The following LRAT variants were observed in gnomAD, a reference collection of about 807,000 sequenced individuals.
The protein encoded by LRAT is lecithin retinol acyltransferase (phosphatidylcholine--retinol O-acyltransferase).
In LRAT, 11 loss-of-function variants were observed where a neutral mutation model predicts 14.2. That is an observed-to-expected ratio of 0.78 (90% CI 0.49 to 1.29). The LOEUF is 1.29. Ranked by LOEUF, LRAT falls within the 50% of genes most tolerant of loss-of-function variation. The probability of loss-of-function intolerance (pLI) is 0.00; values close to 1 mark genes in which losing one functional copy is unlikely to be tolerated. For missense variants in LRAT, 274 were observed against 292.4 expected, an observed-to-expected ratio of 0.94 and a Z score of 0.46; for synonymous variants, 144 against 124.8, an observed-to-expected ratio of 1.15 and a Z score of -1.03.
Position 154,744,187 on chromosome 4 carries a change from GGCCGTACTTTGC to G in LRAT, c.-29_-18del. ...TCCTTTGCCTTCCTCTCTCCTCAGC[GGCCGTACTTTGC>G]GCCGTACCTCACCTGGCCTGCAGGT... On this transcript the variant is annotated 5_prime_UTR_variant, in exon 1 of 3. Transcript: ENST00000336356. 1.2e-6 allele frequency: 1 copy of G among 852,202 alleles called. No homozygotes were observed. Among genetic ancestry groups the G allele is most frequent in the Non-Finnish European group, 1.9e-6 (1 of 523,714 alleles). 52.8% of individuals were successfully genotyped at this position (852,202 alleles called of 1,614,324 possible). A position where few individuals can be genotyped will look rare whatever the true frequency, so the allele number is the denominator to read the frequency against.
At position 154,744,556 on chromosome 4, in the gene LRAT, T is replaced by G. The variant is rs751538809; in HGVS notation, c.230T>G (p.Ile77Ser). The G allele has an allele frequency of 3.7e-6, 6 of 1,614,080 alleles. No individual in the cohort carries two copies. In the Middle Eastern group the frequency reaches 6.6e-4, roughly 178 times the overall value. ...DNRVAHMMPD[I>S]LLALTDDMGR... is the part of the protein sequence containing the mutation. ...CGTGTTGCCCACATGATGCCCGACATCCTGTTGGCCCTGACAGACGACATG... is the reference window on the plus strand; with the variant it reads ...CGTGTTGCCCACATGATGCCCGACAGCCTGTTGGCCCTGACAGACGACATG... The change falls in exon 2 of 3, where the codon ATC becomes AGC. Residue 77 changes from isoleucine (I) to serine (S), a missense_variant. Ile to Ser is a moderately radical substitution (Grantham distance 142). Coordinates refer to ENST00000336356, the MANE Select transcript of LRAT (RefSeq NM_004744.5).
chr4:154,743,401 C>T (rs1229785524), upstream of LRAT, among the ~76,000 whole-genome samples: 2 of 151,790 alleles, frequency 1.3e-5, no homozygotes, highest in Non-Finnish European at 2.9e-5. Context: ...GGCTGAGGCA[C>T]GAGAATCGCT....
rs1732952839 is a variant in LRAT, at chr4:154,749,754, T to C, written c.*618T>C. 6.6e-6 allele frequency: 1 copy of C among 152,502 alleles called. No homozygotes were observed. Among genetic ancestry groups the C allele is most frequent in the African/African-American group, 2.4e-5 (1 of 41,452 alleles). 9.4% of individuals were successfully genotyped at this position (152,502 alleles called of 1,614,324 possible). A position where few individuals can be genotyped will look rare whatever the true frequency, so the allele number is the denominator to read the frequency against. On this transcript the variant is annotated 3_prime_UTR_variant, in exon 3 of 3. Coordinates refer to ENST00000336356, the MANE Select transcript of LRAT (RefSeq NM_004744.5). ...TGACCAGAAATTATAGAAATCTGTG[T>C]TTTCCTGTAAAAATAGCACTATAGT...
At chr4:154,745,597 T>C (rs1560871692) in intron 2 of LRAT, 2 of 152,358 alleles carry the variant, frequency 1.3e-5, no homozygotes, top group East Asian at 3.9e-4. Context: ...CTTGCAACTT[T>C]AACCAAGAAT....
At chr4:154,743,002 G>GT (rs894313820), upstream of LRAT, among the ~76,000 whole-genome samples, 11 of 152,096 alleles carry the variant, frequency 7.2e-5, no homozygotes, top group Admixed American at 2.0e-4. Flanking sequence ...GGACCCCGCC[G>GT]TTTTTCATGC....
chr4:154,743,125 A>ACCCCC (rs59844353), upstream of LRAT, among the ~76,000 whole-genome samples: 14 of 17,828 alleles, frequency 7.9e-4, no homozygotes, highest in Admixed American at 2.1e-3. Context: ...GACCCCCCCA[A>ACCCCC]CCCCCCCCCC....
Position 154,752,692 on chromosome 4 carries a change from G to A in LRAT, c.*3556G>A, listed in dbSNP as rs1733021768. 1 of 152,174 alleles carries A rather than the reference G, an allele frequency of 6.6e-6. No individual in the cohort carries two copies. Among genetic ancestry groups the A allele is most frequent in the Non-Finnish European group, 1.5e-5 (1 of 68,022 alleles). 9.4% of individuals were successfully genotyped at this position (152,174 alleles called of 1,614,324 possible). On this transcript the variant is annotated 3_prime_UTR_variant, in exon 3 of 3. Transcript: ENST00000336356. ...ATTTGATTCATGCATAACTCCTGAT[G>A]GAGTGTCAAGGAAGACTCATTCACT...
chr4:154,746,077 C>G (rs1732880202), intron 2 of LRAT, among the ~76,000 whole-genome samples: 1 of 152,100 alleles, frequency 6.6e-6, no homozygotes, highest in South Asian at 2.1e-4. Context: ...CTTTTAAAAC[C>G]TCTTAACTTT....
chr4:154,744,392 C>T lies in LRAT; in HGVS notation c.66C>T (p.Phe22=). The T allele has an allele frequency of 6.2e-7, 1 of 1,614,206 alleles. No individual in the cohort carries two copies. The highest frequency in any genetic ancestry group is 8.5e-7 in the Non-Finnish European group (1 of 1,180,048). Reference sequence around the variant, plus strand: ...AGAAGCTGCTCCTCATCTCCAACTTCACGCTCTTTAGTTCGGGCGCCGCGG... The same window carrying T: ...AGAAGCTGCTCCTCATCTCCAACTTTACGCTCTTTAGTTCGGGCGCCGCGG... ...LLEKLLLISN[F]TLFSSGAAGE... Residue 22 remains phenylalanine, a synonymous_variant, in exon 2 of 3, where the codon TTC becomes TTT. Transcript: ENST00000336356.
chr4:154,745,163 C>A (rs1732861649), intron 2 of LRAT, among the ~76,000 whole-genome samples: 1 of 151,784 alleles, frequency 6.6e-6, no homozygotes, highest in African/African-American at 2.4e-5. Flanking sequence ...GGACTACAGG[C>A]ACCCGCCACC....
In LRAT at chr4:154,752,988, A is replaced by G. The variant is rs1166121916; in HGVS notation, c.*3852A>G. On this transcript the variant is annotated 3_prime_UTR_variant, in exon 3 of 3. Transcript: ENST00000336356. Reference sequence around the variant, plus strand: ...GCAAAAGTCCTTGTTGTAGATGAGAAGCATATAAGAAATGGTTGCCAATCT... The same window carrying G: ...GCAAAAGTCCTTGTTGTAGATGAGAGGCATATAAGAAATGGTTGCCAATCT... 2.0e-5 allele frequency: 3 copies of G among 152,220 alleles called. No homozygotes were observed. Among genetic ancestry groups the G allele is most frequent in the Non-Finnish European group, 4.4e-5 (3 of 68,036 alleles). The allele number at this position is 152,220 out of a possible 1,614,324, so 9.4% of individuals were successfully genotyped here. A position where few individuals can be genotyped will look rare whatever the true frequency, so the allele number is the denominator to read the frequency against.
At chr4:154,741,914 C>T (rs1222742954), upstream of LRAT, among the ~76,000 whole-genome samples, 1 of 152,156 alleles carries the variant, frequency 6.6e-6, no homozygotes, top group Non-Finnish European at 1.5e-5. Flanking sequence ...CATTATAAGC[C>T]GCCTTAGTGA....
chr4:154,752,291 G>A lies in LRAT; in HGVS notation c.*3155G>A, dbSNP rs1322267261. 4 of 152,210 alleles carry A rather than the reference G, an allele frequency of 2.6e-5. No homozygotes were observed. The highest frequency in any genetic ancestry group is 9.6e-5 in the African/African-American group (4 of 41,464). The allele number at this position is 152,210 out of a possible 1,614,324, so 9.4% of individuals were successfully genotyped here. A position where few individuals can be genotyped will look rare whatever the true frequency, so the allele number is the denominator to read the frequency against. On this transcript the variant is annotated 3_prime_UTR_variant, in exon 3 of 3. Coordinates refer to ENST00000336356, the MANE Select transcript of LRAT (RefSeq NM_004744.5). ...TAGCATGAACAAATGCATGAAAATT[G>A]CCTACAACATGCCTGGCACATAGCT...
rs2111039268 is a variant in LRAT, at chr4:154,749,814, A to G, written c.*678A>G. The G allele has an allele frequency of 6.6e-6, 1 of 152,388 alleles. No homozygotes were observed. The highest frequency in any genetic ancestry group is 1.9e-4 in the East Asian group (1 of 5,194). The allele number at this position is 152,388 out of a possible 1,614,324, so 9.4% of individuals were successfully genotyped here. ...ACAATTTGATTTGGCTTTACTTACT[A>G]GGAAGCCTGGAATTCATTATTTTTT... On this transcript the variant is annotated 3_prime_UTR_variant, in exon 3 of 3. Coordinates refer to ENST00000336356, the MANE Select transcript of LRAT (RefSeq NM_004744.5).
rs146717374 is a variant in LRAT, at chr4:154,749,070, G to A, written c.627G>A (p.Thr209=). 1,270 of 1,613,692 alleles carry A rather than the reference G, an allele frequency of 7.9e-4. 5 individuals carry two copies. In the African/African-American group the frequency reaches 0.014, roughly 17 times the overall value. Residue 209 remains threonine (T), a synonymous_variant, in exon 3 of 3, where the codon ACG becomes ACA. Coordinates refer to ENST00000336356, the MANE Select transcript of LRAT (RefSeq NM_004744.5). ...TGGGATTGGCGTCTATAGTCTGTAC[G>A]GGCTTGGTATCATACACTACCCTTC... ...AVLGLASIVC[T]GLVSYTTLPA...
In LRAT at chr4:154,744,867, G is replaced by A. The variant is rs1439470206; in HGVS notation, c.540+1G>A. On this transcript the variant is annotated splice_donor_variant, in intron 2 of 2. Coordinates refer to ENST00000336356, the MANE Select transcript of LRAT (RefSeq NM_004744.5). LOFTEE classifies it high-confidence loss of function. ...CCCGATCAGTCCCCAGTCCGACAAG[G>A]TATGATGTGTGACTCCCAGGGGAAG... 3.1e-6 allele frequency: 5 copies of A among 1,612,622 alleles called. No homozygotes were observed. In the African/African-American group the frequency reaches 4.0e-5, roughly 13 times the overall value.
At chr4:154,748,676 A>G (rs1447963610) in intron 2 of LRAT, among the ~76,000 whole-genome samples, 3 of 152,108 alleles carry the variant, frequency 2.0e-5, no homozygotes, top group Non-Finnish European at 4.4e-5. Flanking sequence ...GTTATTGATA[A>G]GCAGTTTGAT....
At chr4:154,742,373 G>A (rs1732784159), upstream of LRAT, among the ~76,000 whole-genome samples, 1 of 152,062 alleles carries the variant, frequency 6.6e-6, no homozygotes, top group African/African-American at 2.4e-5. Context: ...GGCAAGCAGG[G>A]AGACGGGGAC....
upstream of LRAT, among the ~76,000 whole-genome samples, chr4:154,742,122 G>A (rs1732779464): frequency 6.6e-6 from 1 of 152,152 alleles, no homozygotes; most frequent in Admixed American, 6.5e-5. Context: ...GAAGGGTGCT[G>A]ACTGCTGTGC....
Sources: allele counts gnomAD v4.1 joint callset (sites outside exome capture counted in the v4.1 genomes callset), GRCh38; gene constraint gnomAD v4.1.1; transcripts MANE v1.5; gene names NCBI Gene and HGNC (gene_info 2026-07-23, HGNC 2026-07-21).